Variants in EXOC6B observed in about 807,000 individuals in gnomAD.
The protein encoded by EXOC6B is SEC15 homolog B.
Under a neutral mutation model 113.5 loss-of-function variants are expected in EXOC6B, and 54 were observed. That is an observed-to-expected ratio of 0.48 (90% CI 0.38 to 0.60). EXOC6B has a LOEUF of 0.60. EXOC6B is among the 20% of genes least tolerant of loss of function. EXOC6B has a pLI of 0.00. For missense variants in EXOC6B, 797 were observed against 977.5 expected, an observed-to-expected ratio of 0.82 and a Z score of 2.46; for synonymous variants, 357 against 339.0, an observed-to-expected ratio of 1.05 and a Z score of -0.58.
At chr2:72,606,067 CAG>C (rs1430109639) in intron 6 of EXOC6B, among the ~76,000 whole-genome samples, 2 of 152,116 alleles carry the variant, frequency 1.3e-5, no homozygotes, top group African/African-American at 4.8e-5. Flanking sequence ...TGGAATGAAT[CAG>C]AGAGACAGAA....
chr2:72,570,452 C>A (rs1381103240), intron 7 of EXOC6B, among the ~76,000 whole-genome samples: 1 of 152,154 alleles, frequency 6.6e-6, no homozygotes, highest in Non-Finnish European at 1.5e-5. Flanking sequence ...TATTACATGG[C>A]ATTTGTATTT....
At chr2:72,623,515 C>T (rs975018145) in intron 6 of EXOC6B, among the ~76,000 whole-genome samples, 3 of 152,138 alleles carry the variant, frequency 2.0e-5, no homozygotes, top group African/African-American at 4.8e-5. Flanking sequence ...AATACAGAAA[C>T]AATGCCCTTC....
At chr2:72,262,237 C>A (rs758520779) in intron 20 of EXOC6B, among the ~76,000 whole-genome samples, 2 of 151,776 alleles carry the variant, frequency 1.3e-5, no homozygotes, top group Non-Finnish European at 2.9e-5. Context: ...TCCACTCCTG[C>A]CCACAAAGGA....
intron 20 of EXOC6B, among the ~76,000 whole-genome samples, chr2:72,324,310 G>A (rs1207322563): frequency 2.6e-5 from 4 of 152,122 alleles, no homozygotes; most frequent in African/African-American, 4.8e-5. Flanking sequence ...ACATTTAATA[G>A]TTAGCATTCT....
rs1553371308 is a variant in EXOC6B, at chr2:72,307,161, G to GT, written c.2196+27785dup. 8.2e-3 allele frequency among the ~76,000 whole-genome samples: 1,052 copies of GT among 128,106 alleles called. 17 individuals are homozygous for GT. The highest frequency in any genetic ancestry group is 0.016 in the Middle Eastern group (4 of 256). 84.0% of individuals were successfully genotyped at this position (128,106 alleles called of 152,430 possible). On this transcript the variant is annotated intron_variant, in intron 20 of 21. Transcript: ENST00000272427. ...TCCATGACTGCAATGGTATAGTCCAGTTTTTTTTTTTTTGAGACGGAGTCT... is the reference window on the plus strand; with the variant it reads ...TCCATGACTGCAATGGTATAGTCCAGTTTTTTTTTTTTTTGAGACGGAGTCT...
At chr2:72,781,096 A>C (rs1684009744) in intron 1 of EXOC6B, among the ~76,000 whole-genome samples, 1 of 152,320 alleles carries the variant, frequency 6.6e-6, no homozygotes, top group South Asian at 2.1e-4. Flanking sequence ...CTGTCCCTTG[A>C]AAAAGATACC....
intron 7 of EXOC6B, among the ~76,000 whole-genome samples, chr2:72,566,669 T>C (rs1168956234): frequency 6.6e-6 from 1 of 152,106 alleles, no homozygotes; most frequent in Non-Finnish European, 1.5e-5. Context: ...ATTTGCTCTA[T>C]ATCCTTGACA....
chr2:72,390,767 T>C (rs1185572510), intron 18 of EXOC6B, among the ~76,000 whole-genome samples: 1 of 152,122 alleles, frequency 6.6e-6, no homozygotes, highest in African/African-American at 2.4e-5. Context: ...TTCTTACAGG[T>C]TGTAATTTGA....
chr2:72,619,733 G>T (rs1671630805), intron 6 of EXOC6B, among the ~76,000 whole-genome samples: 1 of 152,208 alleles, frequency 6.6e-6, no homozygotes, highest in Admixed American at 6.5e-5. Flanking sequence ...AAAAGGGTAA[G>T]TGAGGGAACT....
At chr2:72,264,722 G>A (rs953416035) in intron 20 of EXOC6B, among the ~76,000 whole-genome samples, 2 of 151,942 alleles carry the variant, frequency 1.3e-5, no homozygotes, top group African/African-American at 4.8e-5. Context: ...TCCCCACGCT[G>A]TTCTCATGAT....
At chr2:72,424,235 G>A (rs2105274189) in intron 18 of EXOC6B, among the ~76,000 whole-genome samples, 1 of 151,696 alleles carries the variant, frequency 6.6e-6, no homozygotes, top group South Asian at 2.1e-4. Flanking sequence ...TAATTAACAG[G>A]TAGAGGTAGA....
intron 20 of EXOC6B, among the ~76,000 whole-genome samples, chr2:72,253,993 T>C (rs1683188290): frequency 6.6e-6 from 1 of 152,002 alleles, no homozygotes; most frequent in Non-Finnish European, 1.5e-5. Flanking sequence ...ACCCCATCTC[T>C]ACTAAAAATA....
intron 11 of EXOC6B, among the ~76,000 whole-genome samples, chr2:72,505,594 T>C (rs1192510098): frequency 6.6e-6 from 1 of 152,156 alleles, no homozygotes; most frequent in African/African-American, 2.4e-5. Context: ...ACTATTGAAA[T>C]TTTGATTGAC....
intron 7 of EXOC6B, among the ~76,000 whole-genome samples, chr2:72,572,106 C>T (rs1019702716): frequency 1.3e-5 from 2 of 151,998 alleles, no homozygotes; most frequent in Admixed American, 1.3e-4. Flanking sequence ...TCTTCAAGTA[C>T]TGTATTTATT....
intron 20 of EXOC6B, among the ~76,000 whole-genome samples, chr2:72,215,743 A>G (rs1244952871): frequency 3.3e-5 from 5 of 152,148 alleles, no homozygotes; most frequent in African/African-American, 1.2e-4. Flanking sequence ...AGACTTCTTT[A>G]TAGACTTCAT....
intron 6 of EXOC6B, among the ~76,000 whole-genome samples, chr2:72,647,044 A>C (rs1673777407): frequency 6.6e-6 from 1 of 151,970 alleles, no homozygotes; most frequent in African/African-American, 2.4e-5. Flanking sequence ...TTGTATATTT[A>C]GAAAACCCCA....
At chr2:72,184,241 C>A (rs1678276390) in intron 20 of EXOC6B, 54 bp from the exon 21 acceptor site, 2 of 911,284 alleles carry the variant, frequency 2.2e-6, no homozygotes, top group South Asian at 1.6e-5. Flanking sequence ...CAAGACAAAC[C>A]AAGATTCCAG....
In EXOC6B at chr2:72,224,259, A is replaced by G. The variant is rs186091782; in HGVS notation, c.2197-40072T>C. Among the ~76,000 whole-genome samples the G allele has an allele frequency of 2.4e-3, 371 of 152,348 alleles. 1 individual carries two copies. Among genetic ancestry groups the G allele is most frequent in the African/African-American group, 8.3e-3 (346 of 41,584 alleles). ...TCCTCTGCAAGGTTTTGGTAAAATC[A>G]GCATACTCCTCCACTGCAAATAGCA... On this transcript the variant is annotated intron_variant, in intron 20 of 21. Transcript: ENST00000272427.
At chr2:72,438,416 C>T (rs1436306051) in intron 18 of EXOC6B, among the ~76,000 whole-genome samples, 1 of 152,058 alleles carries the variant, frequency 6.6e-6, no homozygotes, top group Non-Finnish European at 1.5e-5. Flanking sequence ...TGAGACCAGC[C>T]TGTGCAACAT....
Sources: allele counts gnomAD v4.1 joint callset (sites outside exome capture counted in the v4.1 genomes callset), GRCh38; gene constraint gnomAD v4.1.1; transcripts MANE v1.5; gene names NCBI Gene and HGNC (gene_info 2026-07-23, HGNC 2026-07-21).